GTF3C1: variants seen among roughly 807,000 people sequenced by gnomAD.
GTF3C1 encodes general transcription factor IIIC subunit 1.
In GTF3C1, 57 loss-of-function variants were observed where a neutral mutation model predicts 226.7. The ratio of observed to expected loss-of-function variants is 0.25; its 90% CI spans 0.20 to 0.31. GTF3C1 has a LOEUF of 0.31. Ranked by LOEUF, GTF3C1 falls within the 10% of genes least tolerant of loss-of-function variation. The pLI is 1.00. For missense variants in GTF3C1, 2,217 were observed against 2,776.1 expected (o/e 0.80, Z 4.53); for synonymous variants, 1,090 against 1,084.8 (o/e 1.00, Z -0.09).
In GTF3C1 at chr16:27,545,341, C is replaced by A. The variant is rs766272312; in HGVS notation, c.404G>T (p.Arg135Leu). 123 of 1,613,462 alleles carry A rather than the reference C, an allele frequency of 7.6e-5. No individual in the cohort carries two copies. Among genetic ancestry groups the A allele is most frequent in the Non-Finnish European group, 1.0e-4 (123 of 1,179,506 alleles). Residue 135 changes from arginine (R) to leucine (L), a missense_variant, in exon 2 of 37, where the codon CGC (arginine) becomes CTC (leucine). Transcript: ENST00000356183. ...GTCAAAGGCTTCCACCATTGTACAG[C>A]GAGGCTGCAAGGACTTGGTTCTGAT... Reference protein sequence around the residue: ...NDIRTKSLQPRCTMVEAFDRW... With the variant: ...NDIRTKSLQPLCTMVEAFDRW...
chr16:27,503,756 C>A (rs1411101631), intron 10 of GTF3C1, among the ~76,000 whole-genome samples: 1 of 152,192 alleles, frequency 6.6e-6, no homozygotes, highest in African/African-American at 2.4e-5. Context: ...GAAAAGAAAT[C>A]CTAACTCTAA....
chr16:27,467,050 T>C (rs981870374), intron 32 of GTF3C1, among the ~76,000 whole-genome samples: 3 of 152,276 alleles, frequency 2.0e-5, no homozygotes, highest in African/African-American at 7.2e-5. Context: ...CTAGAAGCTC[T>C]AGCTGAGATC....
At position 27,471,701 on chromosome 16, in the gene GTF3C1, G is replaced by A; in HGVS notation, c.4526+47C>T. On this transcript the variant is annotated intron_variant, in intron 30 of 36. Coordinates refer to ENST00000356183, the MANE Select transcript of GTF3C1 (RefSeq NM_001520.4). This position sits in a 1 kb window ranked among gnomAD's most constrained non-coding sequence, Gnocchi z 5.0. Reference sequence around the variant, plus strand: ...TTCCTTTGCTCCTCTTTACAGACAGGGCGTGGCTCCACCTCGGAGTACCCA... The same window carrying A: ...TTCCTTTGCTCCTCTTTACAGACAGAGCGTGGCTCCACCTCGGAGTACCCA... 2.8e-6 allele frequency: 4 copies of A among 1,451,524 alleles called. No individual in the cohort carries two copies. Among genetic ancestry groups the A allele is most frequent in the Non-Finnish European group, 3.9e-6 (4 of 1,034,224 alleles). The allele number at this position is 1,451,524 out of a possible 1,614,324, so 89.9% of individuals were successfully genotyped here.
intron 6 of GTF3C1, among the ~76,000 whole-genome samples, chr16:27,518,136 C>T (rs1444840188): frequency 2.6e-5 from 4 of 152,176 alleles, no homozygotes; most frequent in Admixed American, 6.5e-5. Flanking sequence ...TACTGGTAAG[C>T]CAGGCAGACG....
chr16:27,470,451 A>T lies in GTF3C1; in HGVS notation c.4527-56T>A. The stretch of plus-strand genomic sequence containing the variant: ...TGAGGGCCAGCTGTGGGAAGCCTTC[A>T]TTTGGATGGACTATGAGCACGTCAA... On this transcript the variant is annotated intron_variant, in intron 30 of 36. Transcript: ENST00000356183. This position sits in a 1 kb window ranked among gnomAD's most constrained non-coding sequence, Gnocchi z 4.9. 2.9e-6 allele frequency: 4 copies of T among 1,399,970 alleles called. No homozygotes were observed. The South Asian group carries it at 3.7e-5, about 13-fold the overall frequency. The allele number at this position is 1,399,970 out of a possible 1,614,324, so 86.7% of individuals were successfully genotyped here. A position where few individuals can be genotyped will look rare whatever the true frequency, so the allele number is the denominator to read the frequency against.
At chr16:27,549,413 C>T (rs1321345008) in intron 1 of GTF3C1, among the ~76,000 whole-genome samples, 1 of 152,186 alleles carries the variant, frequency 6.6e-6, no homozygotes, top group Non-Finnish European at 1.5e-5. Flanking sequence ...ATCCTGTTCG[C>T]CATTACCCCA....
At chr16:27,494,103 T>C (rs936573194) in intron 16 of GTF3C1, among the ~76,000 whole-genome samples, 1 of 152,190 alleles carries the variant, frequency 6.6e-6, no homozygotes, top group Non-Finnish European at 1.5e-5. Context: ...ACCAAATTTC[T>C]AAAAACAACA....
At position 27,494,554 on chromosome 16, in the gene GTF3C1, T is replaced by C. The variant is rs114865752; in HGVS notation, c.2778+209A>G. The stretch of plus-strand genomic sequence containing the variant: ...AACCACCCACCCATCCACCCAATCA[T>C]CTTTCTAATCTAATCTAGTCTAATC... On this transcript the variant is annotated intron_variant, in intron 16 of 36. Transcript: ENST00000356183. Among the ~76,000 whole-genome samples, 1,026 of 152,294 alleles carry C rather than the reference T, an allele frequency of 6.7e-3. 15 individuals are homozygous for C. The highest frequency in any genetic ancestry group is 0.024 in the African/African-American group (983 of 41,564).
At position 27,463,163 on chromosome 16, in the gene GTF3C1, C is replaced by T. The variant is rs1397525209; in HGVS notation, c.5924+378G>A. The stretch of plus-strand genomic sequence containing the variant: ...TCCTGTAACTCTGTGGCATGGTTGT[C>T]CCGGGGGCAGCTGGGCATTCAGGGC... On this transcript the variant is annotated intron_variant, in intron 35 of 36. Coordinates refer to ENST00000356183, the MANE Select transcript of GTF3C1 (RefSeq NM_001520.4). This position sits in a 1 kb window ranked among gnomAD's most constrained non-coding sequence, Gnocchi z 4.9. 1.2e-5 allele frequency: 3 copies of T among 245,044 alleles called. No individual in the cohort carries two copies. The highest frequency in any genetic ancestry group is 2.3e-5 in the Non-Finnish European group (3 of 128,986). The allele number at this position is 245,044 out of a possible 1,614,324, so 15.2% of individuals were successfully genotyped here. A position where few individuals can be genotyped will look rare whatever the true frequency, so the allele number is the denominator to read the frequency against.
At position 27,471,577 on chromosome 16, in the gene GTF3C1, C is replaced by T. The variant is rs912351253; in HGVS notation, c.4526+171G>A. 3.3e-6 allele frequency: 2 copies of T among 598,734 alleles called. No individual in the cohort carries two copies. The highest frequency in any genetic ancestry group is 2.9e-5 in the Admixed American group (1 of 34,254). 37.1% of individuals were successfully genotyped at this position (598,734 alleles called of 1,614,324 possible). A position where few individuals can be genotyped will look rare whatever the true frequency, so the allele number is the denominator to read the frequency against. ...TGCCAGCGCTCACCTGATCCCCATA[C>T]CACGAAGGAGGTAAGGGGCTGCAGG... On this transcript the variant is annotated intron_variant, in intron 30 of 36. Transcript: ENST00000356183. The surrounding 1 kb of genome is among the most constrained non-coding windows in gnomAD (Gnocchi z 5.0).
At chr16:27,546,473 T>A (rs2089164130) in intron 1 of GTF3C1, among the ~76,000 whole-genome samples, 1 of 93,556 alleles carries the variant, frequency 1.1e-5, no homozygotes, top group Admixed American at 1.1e-4. Flanking sequence ...GCTTGTCAAG[T>A]TTTTTTTTTT....
chr16:27,529,074 TACAAA>T (rs1567411591), intron 5 of GTF3C1, among the ~76,000 whole-genome samples: 1 of 151,636 alleles, frequency 6.6e-6, no homozygotes, highest in Non-Finnish European at 1.5e-5. Flanking sequence ...GTATTACTAA[TACAAA>T]CACACACACA....
In GTF3C1 at chr16:27,549,687, G is replaced by T; in HGVS notation, c.204C>A (p.Asp68Glu). The change falls in exon 1 of 37, where the codon GAC (aspartate) becomes GAA (glutamate). Residue 68 changes from aspartate to glutamate, a missense_variant. Asp to Glu is a conservative substitution (Grantham distance 45, BLOSUM62 2). Around this residue, in one of 12 missense-constraint regions of GTF3C1, gnomAD observed 192 missense variants for 251.8 expected, o/e 0.76. Coordinates refer to ENST00000356183, the MANE Select transcript of GTF3C1 (RefSeq NM_001520.4). ...SFYEEPRERP[D>E]LQLQDRYEEI... ...CCGCTGACCGGTCCTGGAGCTGTAG[G>T]TCGGGTCGCTCCCGAGGCTCCTCAT... is the stretch of plus-strand genomic sequence containing the variant. The T allele has an allele frequency of 6.3e-7, 1 of 1,584,676 alleles. No homozygotes were observed. The highest frequency in any genetic ancestry group is 8.6e-7 in the Non-Finnish European group (1 of 1,167,056).
At chr16:27,487,267 G>A (rs1039056480) in intron 23 of GTF3C1, among the ~76,000 whole-genome samples, 1 of 152,220 alleles carries the variant, frequency 6.6e-6, no homozygotes, top group Non-Finnish European at 1.5e-5. Context: ...ATGAACGCCA[G>A]CCAAATAAAC....
intron 14 of GTF3C1, 138 bp from the exon 15 acceptor site, chr16:27,495,630 C>CT: frequency 1.3e-6 from 1 of 755,018 alleles, no homozygotes; most frequent in Non-Finnish European, 2.1e-6. Flanking sequence ...TTAGAGCTTA[C>CT]TTTCTAATGG....
intron 4 of GTF3C1, among the ~76,000 whole-genome samples, chr16:27,534,827 C>A (rs1029139579): frequency 6.6e-6 from 1 of 151,094 alleles, no homozygotes; most frequent in Non-Finnish European, 1.5e-5. Context: ...TTGAACTGGC[C>A]GGGTCCACTT....
rs145967415 is a variant in GTF3C1 at position 27,511,756 on chromosome 16, G to A, written c.1119C>T (p.Tyr373=). The A allele has an allele frequency of 4.8e-5, 77 of 1,614,022 alleles. No individual in the cohort carries two copies. The highest frequency in any genetic ancestry group is 6.2e-5 in the Non-Finnish European group (73 of 1,180,010). ...CATGGGAACAAGACTTACTGAGGTC[G>A]TAGGTCTGTGTGAGCATATCCCGCT... ...VFERDMLTQT[Y]DLIERRGTKG... is the part of the protein sequence containing the mutation. Residue 373 remains tyrosine (Y), a synonymous_variant, in exon 7 of 37, where the codon TAC becomes TAT. Transcript: ENST00000356183.
Position 27,461,592 on chromosome 16 carries a change from G to T in GTF3C1, c.6118-30C>A. Reference sequence around the variant, plus strand: ...AGACACCAGACACACAGGTTACAGCGGCACTGCCCTCGCCTGCTTGTTGAT... The same window carrying T: ...AGACACCAGACACACAGGTTACAGCTGCACTGCCCTCGCCTGCTTGTTGAT... On this transcript the variant is annotated intron_variant, in intron 36 of 36. Transcript: ENST00000356183. This position sits in a 1 kb window ranked among gnomAD's most constrained non-coding sequence, Gnocchi z 5.3. 2 of 1,493,760 alleles carry T rather than the reference G, an allele frequency of 1.3e-6. No individual in the cohort carries two copies. The highest frequency in any genetic ancestry group is 1.9e-6 in the Non-Finnish European group (2 of 1,072,460). 92.5% of individuals were successfully genotyped at this position (1,493,760 alleles called of 1,614,324 possible). A position where few individuals can be genotyped will look rare whatever the true frequency, so the allele number is the denominator to read the frequency against.
Position 27,462,993 on chromosome 16 carries a change from T to G in GTF3C1, c.5925-507A>C, listed in dbSNP as rs80209071. 512 of 171,834 alleles carry G rather than the reference T, an allele frequency of 3.0e-3. 5 individuals are homozygous for G. Among genetic ancestry groups the G allele is most frequent in the African/African-American group, 0.012 (491 of 42,190 alleles). The allele number at this position is 171,834 out of a possible 1,614,324, so 10.6% of individuals were successfully genotyped here. A position where few individuals can be genotyped will look rare whatever the true frequency, so the allele number is the denominator to read the frequency against. On this transcript the variant is annotated intron_variant, in intron 35 of 36. Coordinates refer to ENST00000356183, the MANE Select transcript of GTF3C1 (RefSeq NM_001520.4). The surrounding 1 kb of genome is among the most constrained non-coding windows in gnomAD (Gnocchi z 4.5). ...CCCAGAAGAGCTGGACACCAGGCTC[T>G]CATCGCTATGGCTGGGCCTTGGAGG...
Sources: allele counts gnomAD v4.1 joint callset (sites outside exome capture counted in the v4.1 genomes callset), GRCh38; gene constraint gnomAD v4.1.1; regional missense constraint gnomAD v4.1.1; non-coding constraint Gnocchi (gnomAD v3.1); transcripts MANE v1.5; gene names NCBI Gene and HGNC (gene_info 2026-07-23, HGNC 2026-07-21).